IMMP2L: variants seen among roughly 807,000 people sequenced by gnomAD.
IMMP2L encodes inner mitochondrial membrane peptidase subunit 2.
IMMP2L carries 18 observed loss-of-function variants against 19.3 expected under a neutral mutation model. That is an observed-to-expected ratio of 0.93 (90% CI 0.64 to 1.38). The LOEUF is 1.38. Among genes scored for constraint, IMMP2L ranks in the 40% most tolerant of loss-of-function variants. The pLI, the probability that IMMP2L is intolerant of heterozygous loss-of-function variation, is 0.00. For missense variants in IMMP2L, 233 were observed against 218.2 expected (o/e 1.07, Z -0.43); for synonymous variants, 76 against 73.0 (o/e 1.04, Z -0.21).
At chr7:111,346,177 G>T (rs1385972327) in intron 3 of IMMP2L, among the ~76,000 whole-genome samples, 1 of 152,136 alleles carries the variant, frequency 6.6e-6, no homozygotes, top group Non-Finnish European at 1.5e-5. Flanking sequence ...TTTCAGTAAA[G>T]CCTAATATGG....
intron 3 of IMMP2L, among the ~76,000 whole-genome samples, chr7:111,291,427 T>C: frequency 6.6e-6 from 1 of 152,190 alleles, no homozygotes; most frequent in South Asian, 2.1e-4. Context: ...TACCATCCAG[T>C]CTTACTTTTG....
intron 3 of IMMP2L, among the ~76,000 whole-genome samples, chr7:111,357,863 G>A (rs531152214): frequency 6.6e-6 from 1 of 151,904 alleles, no homozygotes; most frequent in South Asian, 2.1e-4. Flanking sequence ...CCATGAGCAT[G>A]GAAACTGAAA....
intron 4 of IMMP2L, among the ~76,000 whole-genome samples, chr7:110,913,937 T>A (rs1016808591): frequency 1.3e-5 from 2 of 152,100 alleles, no homozygotes; most frequent in Non-Finnish European, 2.9e-5. Context: ...TCAGGTAAAG[T>A]TTTCTCAGGT....
intron 3 of IMMP2L, among the ~76,000 whole-genome samples, chr7:111,141,514 A>C (rs893741209): frequency 2.0e-4 from 31 of 151,660 alleles, no homozygotes; most frequent in South Asian, 2.1e-4. Flanking sequence ...AGGTTGCTTA[A>C]TTTTCTATCT....
intron 5 of IMMP2L, among the ~76,000 whole-genome samples, chr7:110,716,425 G>A (rs1334678420): frequency 6.6e-6 from 1 of 152,128 alleles, no homozygotes; most frequent in African/African-American, 2.4e-5. Context: ...TGTTTTTGTG[G>A]TAGCAGGTAT....
At chr7:110,902,947 AAAAAAAAAAG>A (rs1375791211) in intron 4 of IMMP2L, among the ~76,000 whole-genome samples, 1 of 38,390 alleles carries the variant, frequency 2.6e-5, no homozygotes, top group African/African-American at 1.6e-4. Context: ...AAAAAAAAAA[AAAAAAAAAAG>A]AGTACAGACT....
intron 3 of IMMP2L, among the ~76,000 whole-genome samples, chr7:111,419,467 C>T (rs777731874): frequency 5.3e-5 from 8 of 151,606 alleles, no homozygotes; most frequent in East Asian, 1.9e-4. Flanking sequence ...ACCTGTCTCC[C>T]GTGCTATTCA....
intron 5 of IMMP2L, among the ~76,000 whole-genome samples, chr7:110,845,542 T>C (rs1280520563): frequency 4.6e-5 from 7 of 152,190 alleles, no homozygotes; most frequent in Admixed American, 1.3e-4. Flanking sequence ...ATATTTACAC[T>C]AGTTTCTCTC....
intron 3 of IMMP2L, among the ~76,000 whole-genome samples, chr7:111,138,892 A>G (rs1802603907): frequency 6.6e-6 from 1 of 152,186 alleles, no homozygotes; most frequent in Non-Finnish European, 1.5e-5. Context: ...TTAAGGCAAC[A>G]GAGATTGCCT....
intron 3 of IMMP2L, among the ~76,000 whole-genome samples, chr7:111,257,436 C>T (rs1219687485): frequency 1.3e-5 from 2 of 152,156 alleles, no homozygotes; most frequent in African/African-American, 2.4e-5. Flanking sequence ...CTTTCATTTA[C>T]ACAATCACCC....
chr7:111,321,134 C>T (rs1824656039), intron 3 of IMMP2L, among the ~76,000 whole-genome samples: 1 of 151,930 alleles, frequency 6.6e-6, no homozygotes. Flanking sequence ...TCAGGGCAAT[C>T]CTAATGAATC....
intron 2 of IMMP2L, 25 bp downstream of exon 2, chr7:111,521,288 A>T (rs1846299543): frequency 6.2e-7 from 1 of 1,602,246 alleles, no homozygotes; most frequent in East Asian, 2.2e-5. Context: ...ATGTGCTTTA[A>T]AGAACGAAGT....
rs12705775 is a variant in IMMP2L at position 111,555,148 on chromosome 7, A to C, written c.-3+6703T>G. Among the ~76,000 whole-genome samples, 4 of 152,122 alleles carry C rather than the reference A, an allele frequency of 2.6e-5. No individual in the cohort carries two copies. The East Asian group carries it at 7.7e-4, about 29-fold the overall frequency. ...CCTTTACCATAGCAGATATTAATAC[A>C]TGTTGGCTATGCTGAATGATTTTTA... On this transcript the variant is annotated intron_variant, in intron 1 of 5. Coordinates refer to ENST00000405709, the MANE Select transcript of IMMP2L (RefSeq NM_032549.4).
intron 4 of IMMP2L, among the ~76,000 whole-genome samples, chr7:110,889,052 G>A (rs1810513729): frequency 6.6e-6 from 1 of 152,188 alleles, no homozygotes; most frequent in Non-Finnish European, 1.5e-5. Context: ...TTACTCACAA[G>A]TAATCTTTTG....
chr7:111,365,416 G>A (rs1464315066), intron 3 of IMMP2L, among the ~76,000 whole-genome samples: 2 of 152,002 alleles, frequency 1.3e-5, no homozygotes, highest in East Asian at 1.9e-4. Flanking sequence ...CTTGTTTCAC[G>A]CCACGCTAGA....
intron 3 of IMMP2L, among the ~76,000 whole-genome samples, chr7:111,452,160 C>G (rs1839267657): frequency 6.6e-6 from 1 of 152,092 alleles, no homozygotes; most frequent in African/African-American, 2.4e-5. Flanking sequence ...TTGAGCCTTA[C>G]TTTAGTTTTT....
At chr7:111,309,577 A>C (rs1248212949) in intron 3 of IMMP2L, among the ~76,000 whole-genome samples, 1 of 152,036 alleles carries the variant, frequency 6.6e-6, no homozygotes, top group East Asian at 1.9e-4. Context: ...GAGGTTTTAA[A>C]CCCCACCGAA....
At chr7:111,251,183 CAAAA>C in intron 3 of IMMP2L, among the ~76,000 whole-genome samples, 1 of 152,096 alleles carries the variant, frequency 6.6e-6, no homozygotes, top group Non-Finnish European at 1.5e-5. Context: ...AAATAAAAAT[CAAAA>C]TCACAATGAG....
chr7:110,693,014 T>G (rs1283973188), intron 5 of IMMP2L, among the ~76,000 whole-genome samples: 1 of 152,204 alleles, frequency 6.6e-6, no homozygotes, highest in Non-Finnish European at 1.5e-5. Flanking sequence ...ATCTTCATTT[T>G]AAACAATTCT....
Sources: gnomAD v4.1 joint callset for allele counts (sites outside exome capture counted in the v4.1 genomes callset) on GRCh38, gnomAD v4.1.1 for gene constraint, MANE v1.5 for transcripts, NCBI Gene and HGNC (gene_info 2026-07-23, HGNC 2026-07-21) for gene names.